The following CYTH1 variants were observed in gnomAD, a reference collection of about 807,000 sequenced individuals.
The protein encoded by CYTH1 is cytohesin-1.
CYTH1 carries 18 observed loss-of-function variants against 61.8 expected under a neutral mutation model. The ratio of observed to expected loss-of-function variants is 0.29; its 90% confidence interval spans 0.20 to 0.43. The LOEUF (loss-of-function observed/expected upper bound fraction) is 0.43. Among genes scored for constraint, CYTH1 ranks in the 20% least tolerant of loss-of-function variants. The pLI is 1.00. For missense variants in CYTH1, 336 were observed against 510.5 expected, an observed-to-expected ratio of 0.66 and a Z score of 3.29; for synonymous variants, 174 against 184.3, an observed-to-expected ratio of 0.94 and a Z score of 0.45.
At chr17:78,746,670 G>A (rs1320048159) in intron 1 of CYTH1, among the ~76,000 whole-genome samples, 1 of 152,192 alleles carries the variant, frequency 6.6e-6, no homozygotes, top group African/African-American at 2.4e-5. Context: ...GGCCAGGTGT[G>A]ATGGCTCGTG....
chr17:78,780,462 G>A (rs1278605646), intron 1 of CYTH1, among the ~76,000 whole-genome samples: 4 of 152,236 alleles, frequency 2.6e-5, no homozygotes, highest in Non-Finnish European at 4.4e-5. Flanking sequence ...CGTGCAGTGA[G>A]CTATGAGAGC....
intron 1 of CYTH1, among the ~76,000 whole-genome samples, chr17:78,744,241 C>T (rs2093351745): frequency 6.6e-6 from 1 of 152,162 alleles, no homozygotes; most frequent in African/African-American, 2.4e-5. Flanking sequence ...GAGAGGAGAC[C>T]TGGAAATCTT....
chr17:78,760,383 ATACACACACATACATATATATATGTG>A (rs1237621866), intron 1 of CYTH1, among the ~76,000 whole-genome samples: 1,612 of 51,658 alleles, frequency 0.031, 146 homozygotes, highest in Admixed American at 0.043. Flanking sequence ...ATATATATAT[ATACACACACATACATATATATATGTG>A]TATATATATA....
At chr17:78,777,155 G>A (rs2093495443) in intron 1 of CYTH1, among the ~76,000 whole-genome samples, 1 of 149,758 alleles carries the variant, frequency 6.7e-6, no homozygotes, top group Non-Finnish European at 1.5e-5. Context: ...GCCGGGCGCG[G>A]TGGCTCACGC....
At position 78,674,404 on chromosome 17, in the gene CYTH1, T is replaced by G. The variant is rs1183865979; in HGVS notation, c.*1687A>C. 1.3e-5 allele frequency: 2 copies of G among 152,248 alleles called. No individual in the cohort carries two copies. The highest frequency in any genetic ancestry group is 2.9e-5 in the Non-Finnish European group (2 of 68,104). 9.4% of individuals were successfully genotyped at this position (152,248 alleles called of 1,614,324 possible). On this transcript the variant is annotated 3_prime_UTR_variant, in exon 14 of 14. Transcript: ENST00000446868. ...GACCTCGGCAGGCACCACCTGGTTC[T>G]CCCACCCAGAAAGTTCAGGTTTCCA...
At chr17:78,756,948 C>T (rs1049955927) in intron 1 of CYTH1, among the ~76,000 whole-genome samples, 12 of 150,770 alleles carry the variant, frequency 8.0e-5, no homozygotes, top group Non-Finnish European at 1.5e-4. Context: ...AGATTATTCA[C>T]AAGGCGGAAT....
At chr17:78,775,822 T>C (rs538105589) in intron 1 of CYTH1, among the ~76,000 whole-genome samples, 10 of 152,340 alleles carry the variant, frequency 6.6e-5, no homozygotes, top group South Asian at 2.1e-4. Flanking sequence ...ATGAACATGA[T>C]AGACTCCAGC....
intron 1 of CYTH1, among the ~76,000 whole-genome samples, chr17:78,710,984 C>T (rs139472717): frequency 1.7e-3 from 262 of 152,182 alleles, no homozygotes; most frequent in African/African-American, 6.0e-3. Context: ...ACACCGAGGC[C>T]GGGCACAGTG....
In CYTH1 at chr17:78,730,369, CAA is replaced by C. The variant is rs56790957; in HGVS notation, c.23-20639_23-20638del. 1.2e-3 allele frequency among the ~76,000 whole-genome samples: 112 copies of C among 95,338 alleles called. 1 individual carries two copies. Among genetic ancestry groups the C allele is most frequent in the Middle Eastern group, 8.6e-3 (1 of 116 alleles). The allele number at this position is 95,338 out of a possible 152,430, so 62.5% of individuals were successfully genotyped here. ...TGAAACCCCATCTCTACTAAAAATA[CAA>C]AAAAAAAAAAAAAAAAAATTAGCCG... On this transcript the variant is annotated intron_variant, in intron 1 of 13. Coordinates refer to ENST00000446868, the MANE Select transcript of CYTH1 (RefSeq NM_004762.6).
At chr17:78,737,045 CTAGTTTAG>C (rs2144621959) in intron 1 of CYTH1, 1 of 153,092 alleles carries the variant, frequency 6.5e-6, no homozygotes, top group African/African-American at 2.4e-5. Flanking sequence ...TGGAGTCAAA[CTAGTTTAG>C]TAGCCACACT....
intron 1 of CYTH1, among the ~76,000 whole-genome samples, chr17:78,745,454 ACTC>A (rs1427388552): frequency 1.3e-5 from 2 of 152,098 alleles, no homozygotes; most frequent in Non-Finnish European, 2.9e-5. Context: ...ACTTCACACT[ACTC>A]CTAGAAGTGG....
Position 78,717,791 on chromosome 17 carries a change from T to G in CYTH1, c.23-8059A>C, listed in dbSNP as rs1432494898. Among the ~76,000 whole-genome samples, 1 of 152,106 alleles carries G rather than the reference T, an allele frequency of 6.6e-6. No homozygotes were observed. The highest frequency in any genetic ancestry group is 1.5e-5 in the Non-Finnish European group (1 of 68,018). On this transcript the variant is annotated intron_variant, in intron 1 of 13. Coordinates refer to ENST00000446868, the MANE Select transcript of CYTH1 (RefSeq NM_004762.6). The surrounding 1 kb of genome is among the most constrained non-coding windows in gnomAD (Gnocchi z 4.4). ...GCTGCCAGGACCACACTGTCCTAAA[T>G]CCCCGTGGGTACCGTCAAATGAACG...
chr17:78,753,539 C>A (rs1567875820), intron 1 of CYTH1, among the ~76,000 whole-genome samples: 1 of 144,276 alleles, frequency 6.9e-6, no homozygotes, highest in East Asian at 2.1e-4. Context: ...ATAAAGATAA[C>A]AACAAAGAAT....
At chr17:78,730,567 A>G (rs547800587) in intron 1 of CYTH1, among the ~76,000 whole-genome samples, 1 of 152,084 alleles carries the variant, frequency 6.6e-6, no homozygotes, top group South Asian at 2.1e-4. Flanking sequence ...TGACTCAAAA[A>G]AAGAAATTCA....
intron 3 of CYTH1, among the ~76,000 whole-genome samples, chr17:78,703,378 T>G (rs1365454648): frequency 2.4e-5 from 3 of 125,940 alleles, no homozygotes; most frequent in Admixed American, 9.9e-5. Context: ...ACCACTGCAC[T>G]CTAGCCCGGG....
intron 1 of CYTH1, among the ~76,000 whole-genome samples, chr17:78,726,407 C>A (rs573083283): frequency 7.6e-4 from 115 of 152,170 alleles, no homozygotes; most frequent in Middle Eastern, 6.8e-3. Context: ...GTGGAAGAGG[C>A]CCCCTGTCAG....
At chr17:78,775,195 C>G (rs2093486234) in intron 1 of CYTH1, among the ~76,000 whole-genome samples, 1 of 152,214 alleles carries the variant, frequency 6.6e-6, no homozygotes, top group African/African-American at 2.4e-5. Context: ...AGAAACCAGG[C>G]TGAACACCCT....
intron 11 of CYTH1, among the ~76,000 whole-genome samples, chr17:78,681,750 A>C (rs2144030340): frequency 6.6e-6 from 1 of 150,818 alleles, no homozygotes; most frequent in Admixed American, 6.6e-5. Context: ...GGCCAGGAGA[A>C]TGGTGTGAAC....
chr17:78,774,237 C>T (rs1320240047), intron 1 of CYTH1, among the ~76,000 whole-genome samples: 1 of 152,024 alleles, frequency 6.6e-6, no homozygotes, highest in Non-Finnish European at 1.5e-5. Flanking sequence ...TTCATGTCAC[C>T]CTGAGAATAT....
Sources: gnomAD v4.1 joint callset for allele counts (sites outside exome capture counted in the v4.1 genomes callset) on GRCh38, gnomAD v4.1.1 for gene constraint, Gnocchi (gnomAD v3.1) non-coding constraint, MANE v1.5 for transcripts, NCBI Gene and HGNC (gene_info 2026-07-23, HGNC 2026-07-21) for gene names.